FEM1A: variants seen among roughly 807,000 people sequenced by gnomAD.
The protein encoded by FEM1A is fem-1 homolog A, also known as protein fem-1 homolog A.
In FEM1A, 1 loss-of-function variant was observed where a neutral mutation model predicts 0.7. The ratio of observed to expected loss-of-function variants is 1.35; its 90% CI spans 0.48 to 6.40. The LOEUF is 6.40. Ranked by LOEUF, FEM1A falls within the 30% of genes most tolerant of loss-of-function variation. FEM1A has a pLI of 0.14. For missense variants in FEM1A, 721 were observed against 918.7 expected (o/e 0.78, Z 2.78); for synonymous variants, 391 against 420.6 (o/e 0.93, Z 0.86).
Position 4,799,909 on chromosome 19 carries a change from A to AAAAAAAAAT in FEM1A, c.*6053_*6054insTAAAAAAAA, listed in dbSNP as rs2093566369. On this transcript the variant is annotated 3_prime_UTR_variant, in exon 1 of 1. Coordinates refer to ENST00000269856, the MANE Select transcript of FEM1A (RefSeq NM_018708.3). ...GACATAGCAAGACTCTGTCTCAAAA[A>AAAAAAAAAT]AAAAAAAAAAAAAAAAAAAAAAAAT... The AAAAAAAAAT allele has an allele frequency of 2.6e-5, 3 of 113,996 alleles. 1 individual carries two copies. The highest frequency in any genetic ancestry group is 1.0e-4 in the African/African-American group (3 of 29,690). 7.1% of individuals were successfully genotyped at this position (113,996 alleles called of 1,614,324 possible). A position where few individuals can be genotyped will look rare whatever the true frequency, so the allele number is the denominator to read the frequency against.
chr19:4,791,868 C>T lies in FEM1A; in HGVS notation c.14C>T (p.Thr5Ile), dbSNP rs1274400462. Residue 5 changes from threonine (T) to isoleucine (I), a missense_variant, in exon 1 of 1, where the codon ACC (threonine) becomes ATC (isoleucine). This residue lies in a region of FEM1A where 195 missense variants were observed against 316.9 expected (regional missense o/e 0.62). Coordinates refer to ENST00000269856, the MANE Select transcript of FEM1A (RefSeq NM_018708.3). Reference sequence around the variant, plus strand: ...GAGGCCCGAACCATGGACCTCCGCACCGCCGTGTACAACGCCGCCCGTGAT... The same window carrying T: ...GAGGCCCGAACCATGGACCTCCGCATCGCCGTGTACAACGCCGCCCGTGAT... MDLR[T>I]AVYNAARDGK... is the part of the protein sequence containing the mutation. The T allele has an allele frequency of 6.6e-7, 1 of 1,514,022 alleles. No individual in the cohort carries two copies. Among genetic ancestry groups the T allele is most frequent in the East Asian group, 2.6e-5 (1 of 38,598 alleles). The allele number at this position is 1,514,022 out of a possible 1,614,324, so 93.8% of individuals were successfully genotyped here.
rs1337483148 is a variant in FEM1A, at chr19:4,797,231, G to T, written c.*3367G>T. On this transcript the variant is annotated 3_prime_UTR_variant, in exon 1 of 1. Coordinates refer to ENST00000269856, the MANE Select transcript of FEM1A (RefSeq NM_018708.3). ...GGCTGGAGTGCAGTGGTGTGATCTC[G>T]GCTCACTGCAAGCTCAGCCTCCCGG... The T allele has an allele frequency of 7.2e-6, 1 of 139,768 alleles. No individual in the cohort carries two copies. The highest frequency in any genetic ancestry group is 1.5e-5 in the Non-Finnish European group (1 of 66,124). The allele number at this position is 139,768 out of a possible 1,614,324, so 8.7% of individuals were successfully genotyped here. A position where few individuals can be genotyped will look rare whatever the true frequency, so the allele number is the denominator to read the frequency against.
Position 4,793,516 on chromosome 19 carries a change from C to A in FEM1A, c.1662C>A (p.Pro554=), listed in dbSNP as rs781313357. 4 of 1,613,054 alleles carry A rather than the reference C, an allele frequency of 2.5e-6. No homozygotes were observed. The South Asian group carries it at 4.4e-5, about 18-fold the overall frequency. The change falls in exon 1 of 1, where the codon CCC becomes CCA. Residue 554 remains proline, a synonymous_variant. Coordinates refer to ENST00000269856, the MANE Select transcript of FEM1A (RefSeq NM_018708.3). This position sits in a 1 kb window ranked among gnomAD's most constrained non-coding sequence, Gnocchi z 5.1. ...ACACCACAAACGTGGGCCGCTATCCCGTGGGCAGATTCCCCTCCCTGCACG... is the reference window on the plus strand; with the variant it reads ...ACACCACAAACGTGGGCCGCTATCCAGTGGGCAGATTCCCCTCCCTGCACG... ...DKDTTNVGRY[P]VGRFPSLHVV...
rs2093566594 is a variant in FEM1A, at chr19:4,799,953, G to C, written c.*6089G>C. The C allele has an allele frequency of 7.9e-6, 1 of 126,038 alleles. No individual in the cohort carries two copies. The highest frequency in any genetic ancestry group is 2.6e-4 in the South Asian group (1 of 3,904). The allele number at this position is 126,038 out of a possible 1,614,324, so 7.8% of individuals were successfully genotyped here. A position where few individuals can be genotyped will look rare whatever the true frequency, so the allele number is the denominator to read the frequency against. On this transcript the variant is annotated 3_prime_UTR_variant, in exon 1 of 1. Coordinates refer to ENST00000269856, the MANE Select transcript of FEM1A (RefSeq NM_018708.3). The stretch of plus-strand genomic sequence containing the variant: ...AAAAAATGGGGCCATCAATGCCATG[G>C]AGGGTAGCAAAAAATGTTCACAATA...
rs2093567733 is a variant in FEM1A, at chr19:4,800,847, A to T, written c.*6983A>T. 6.6e-6 allele frequency: 1 copy of T among 152,232 alleles called. No homozygotes were observed. The highest frequency in any genetic ancestry group is 1.5e-5 in the Non-Finnish European group (1 of 68,052). 9.4% of individuals were successfully genotyped at this position (152,232 alleles called of 1,614,324 possible). ...AAAGGCCAGATGACCCACCAGGGAC[A>T]TTGAATCCGTGTCCCGAGAGGGGTG... On this transcript the variant is annotated 3_prime_UTR_variant, in exon 1 of 1. Transcript: ENST00000269856.
chr19:4,792,889 C>A lies in FEM1A; in HGVS notation c.1035C>A (p.Val345=). ...CCAAACCGGAGCCCCCACAGCTGGTCCTGGCCTATGACTATTCCAGGGAGG... is the reference window on the plus strand; with the variant it reads ...CCAAACCGGAGCCCCCACAGCTGGTACTGGCCTATGACTATTCCAGGGAGG... ...YLPKPEPPQL[V]LAYDYSREVN... is the part of the protein sequence containing the mutation. The change falls in exon 1 of 1, where the codon GTC becomes GTA. Residue 345 remains valine (V), a synonymous_variant. Coordinates refer to ENST00000269856, the MANE Select transcript of FEM1A (RefSeq NM_018708.3). This position sits in a 1 kb window ranked among gnomAD's most constrained non-coding sequence, Gnocchi z 6.7. 1.9e-6 allele frequency: 3 copies of A among 1,612,388 alleles called. No individual in the cohort carries two copies. Among genetic ancestry groups the A allele is most frequent in the Non-Finnish European group, 2.5e-6 (3 of 1,180,002 alleles).
rs2093560863 is a variant in FEM1A, at chr19:4,796,184, T to G, written c.*2320T>G. ...TGGGCAACATAGTAAGACCTCTGTC[T>G]CTACATTTTTTTTTTTTTTTTTTTT... On this transcript the variant is annotated 3_prime_UTR_variant, in exon 1 of 1. Coordinates refer to ENST00000269856, the MANE Select transcript of FEM1A (RefSeq NM_018708.3). 1 of 148,390 alleles carries G rather than the reference T, an allele frequency of 6.7e-6. No homozygotes were observed. Among genetic ancestry groups the G allele is most frequent in the African/African-American group, 2.5e-5 (1 of 39,806 alleles). 9.2% of individuals were successfully genotyped at this position (148,390 alleles called of 1,614,324 possible).
chr19:4,795,990 C>G lies in FEM1A; in HGVS notation c.*2126C>G, dbSNP rs1405468426. On this transcript the variant is annotated 3_prime_UTR_variant, in exon 1 of 1. Transcript: ENST00000269856. ...GAATTACAAGCATGAACCACTGCAC[C>G]TGGCCTCTATGTTACATACTGGGGC... is the stretch of plus-strand genomic sequence containing the variant. The G allele has an allele frequency of 6.6e-6, 1 of 151,786 alleles. No homozygotes were observed. The highest frequency in any genetic ancestry group is 6.6e-5 in the Admixed American group (1 of 15,198). The allele number at this position is 151,786 out of a possible 1,614,324, so 9.4% of individuals were successfully genotyped here. A position where few individuals can be genotyped will look rare whatever the true frequency, so the allele number is the denominator to read the frequency against.
Position 4,795,890 on chromosome 19 carries a change from T to C in FEM1A, c.*2026T>C, listed in dbSNP as rs1311864007. 1 of 152,036 alleles carries C rather than the reference T, an allele frequency of 6.6e-6. No individual in the cohort carries two copies. Among genetic ancestry groups the C allele is most frequent in the Admixed American group, 6.6e-5 (1 of 15,232 alleles). The allele number at this position is 152,036 out of a possible 1,614,324, so 9.4% of individuals were successfully genotyped here. Reference sequence around the variant, plus strand: ...TTTTGTATTTTCTGTAGAGGCAGGTTTTGCCATGTTGGCCAGGCTGGTCTC... The same window carrying C: ...TTTTGTATTTTCTGTAGAGGCAGGTCTTGCCATGTTGGCCAGGCTGGTCTC... On this transcript the variant is annotated 3_prime_UTR_variant, in exon 1 of 1. Transcript: ENST00000269856.
In FEM1A at chr19:4,793,214, A is replaced by C. The variant is rs756935237; in HGVS notation, c.1360A>C (p.Ser454Arg). 85 of 1,613,422 alleles carry C rather than the reference A, an allele frequency of 5.3e-5. No individual in the cohort carries two copies. The highest frequency in any genetic ancestry group is 7.0e-5 in the Non-Finnish European group (83 of 1,180,050). ...GCTTCAGGACCGGGCCGCCAAAGGC[A>C]GCCTGGGCACCCAGATCGGCTTTGC... ...YVLQDRAAKG[S>R]LGTQIGFADL... Residue 454 changes from serine to arginine, a missense_variant, in exon 1 of 1, where the codon AGC becomes CGC. Transcript: ENST00000269856. This position sits in a 1 kb window ranked among gnomAD's most constrained non-coding sequence, Gnocchi z 5.1.
In FEM1A at chr19:4,799,311, G is replaced by T. The variant is rs989467651; in HGVS notation, c.*5447G>T. 6.6e-6 allele frequency: 1 copy of T among 152,548 alleles called. No homozygotes were observed. The highest frequency in any genetic ancestry group is 1.5e-5 in the Non-Finnish European group (1 of 68,228). 9.4% of individuals were successfully genotyped at this position (152,548 alleles called of 1,614,324 possible). On this transcript the variant is annotated 3_prime_UTR_variant, in exon 1 of 1. Coordinates refer to ENST00000269856, the MANE Select transcript of FEM1A (RefSeq NM_018708.3). ...CACCTGTAATCCCAGCTACTTGGGA[G>T]GCTGAGGAAGGAGAATCGCTTGAAC...
In FEM1A at chr19:4,792,752, G is replaced by A; in HGVS notation, c.898G>A (p.Ala300Thr). 7.4e-6 allele frequency: 12 copies of A among 1,612,134 alleles called. No individual in the cohort carries two copies. The highest frequency in any genetic ancestry group is 1.0e-5 in the Non-Finnish European group (12 of 1,179,896). ...CACCAGCCGGGAAGCTGCCGTGGAAGCCTTGGAATTGCTGGGAGCTACGTA... is the reference window on the plus strand; with the variant it reads ...CACCAGCCGGGAAGCTGCCGTGGAAACCTTGGAATTGCTGGGAGCTACGTA... ...CPTSREAAVE[A>T]LELLGATYVD... is the part of the protein sequence containing the mutation. Residue 300 changes from alanine (A) to threonine (T), a missense_variant, in exon 1 of 1, where the codon GCC becomes ACC. Physicochemically the swap from Ala to Thr is moderately conservative, Grantham distance 58. Coordinates refer to ENST00000269856, the MANE Select transcript of FEM1A (RefSeq NM_018708.3). This position sits in a 1 kb window ranked among gnomAD's most constrained non-coding sequence, Gnocchi z 6.7.
chr19:4,798,039 C>T lies in FEM1A; in HGVS notation c.*4175C>T, dbSNP rs1166847532. 6.7e-6 allele frequency: 1 copy of T among 148,718 alleles called. No homozygotes were observed. The highest frequency in any genetic ancestry group is 1.5e-5 in the Non-Finnish European group (1 of 67,226). 9.2% of individuals were successfully genotyped at this position (148,718 alleles called of 1,614,324 possible). Reference sequence around the variant, plus strand: ...CACGAGGTCAGGAGATCGAGACCATCCTGGCTAACACGGTGAAACCCCGTC... The same window carrying T: ...CACGAGGTCAGGAGATCGAGACCATTCTGGCTAACACGGTGAAACCCCGTC... On this transcript the variant is annotated 3_prime_UTR_variant, in exon 1 of 1. Transcript: ENST00000269856.
rs2093566191 is a variant in FEM1A, at chr19:4,799,900, G to T, written c.*6036G>T. On this transcript the variant is annotated 3_prime_UTR_variant, in exon 1 of 1. Transcript: ENST00000269856. ...AGCCTGGGTGACATAGCAAGACTCTGTCTCAAAAAAAAAAAAAAAAAAAAA... is the reference window on the plus strand; with the variant it reads ...AGCCTGGGTGACATAGCAAGACTCTTTCTCAAAAAAAAAAAAAAAAAAAAA... 7.6e-5 allele frequency: 1 copy of T among 13,190 alleles called. No individual in the cohort carries two copies. The highest frequency in any genetic ancestry group is 2.4e-4 in the African/African-American group (1 of 4,192). The allele number at this position is 13,190 out of a possible 1,614,324, so 0.8% of individuals were successfully genotyped here. A position where few individuals can be genotyped will look rare whatever the true frequency, so the allele number is the denominator to read the frequency against.
At position 4,799,652 on chromosome 19, in the gene FEM1A, A is replaced by G. The variant is rs1283394492; in HGVS notation, c.*5788A>G. 1 of 151,768 alleles carries G rather than the reference A, an allele frequency of 6.6e-6. No individual in the cohort carries two copies. The highest frequency in any genetic ancestry group is 1.5e-5 in the Non-Finnish European group (1 of 68,028). 9.4% of individuals were successfully genotyped at this position (151,768 alleles called of 1,614,324 possible). A position where few individuals can be genotyped will look rare whatever the true frequency, so the allele number is the denominator to read the frequency against. ...CTGGGTGCGGTGGCTCACGCCTGTA[A>G]TCCCAACACTTTGGGAGGCCGAGGC... On this transcript the variant is annotated 3_prime_UTR_variant, in exon 1 of 1. Transcript: ENST00000269856.
In FEM1A at chr19:4,793,916, GGAAATCC is replaced by G. The variant is rs961301214; in HGVS notation, c.*54_*60del. On this transcript the variant is annotated 3_prime_UTR_variant, in exon 1 of 1. Coordinates refer to ENST00000269856, the MANE Select transcript of FEM1A (RefSeq NM_018708.3). The surrounding 1 kb of genome is among the most constrained non-coding windows in gnomAD (Gnocchi z 5.1). ...CTCTCCCCTCTCCTGCTGAGATGGG[GGAAATCC>G]GGCTGCGGCATAGCAGATGCTCGTT... The G allele has an allele frequency of 6.5e-7, 1 of 1,530,620 alleles. No individual in the cohort carries two copies. The allele number at this position is 1,530,620 out of a possible 1,614,324, so 94.8% of individuals were successfully genotyped here.
chr19:4,793,322 C>T lies in FEM1A; in HGVS notation c.1468C>T (p.Gln490Ter). 1 of 1,612,838 alleles carries T rather than the reference C, an allele frequency of 6.2e-7. No homozygotes were observed. Residue 490 changes from glutamine (Q) to a stop codon, truncating the protein, a stop_gained, in exon 1 of 1, where the codon CAG becomes TAG. Coordinates refer to ENST00000269856, the MANE Select transcript of FEM1A (RefSeq NM_018708.3). LOFTEE classifies it low-confidence loss of function (END_TRUNC). This position sits in a 1 kb window ranked among gnomAD's most constrained non-coding sequence, Gnocchi z 5.1. ...GCCCAGGGAGCCCGGAGACTCAGCC[C>T]AGTTCACCAAGGCGCTGGCCATCAT... The part of the protein sequence containing the change: ...QLPREPGDSA[Q>*]FTKALAIILH...
At position 4,791,788 on chromosome 19, in the gene FEM1A, C is replaced by T. The variant is rs2093554562; in HGVS notation, c.-67C>T. ...ACGGTGAAGGTTGCCTCCCGCCCGT[C>T]CGGGCTCTGATCCTCCGTCTCCCCG... On this transcript the variant is annotated 5_prime_UTR_variant, in exon 1 of 1. Coordinates refer to ENST00000269856, the MANE Select transcript of FEM1A (RefSeq NM_018708.3). The T allele has an allele frequency of 5.0e-6, 7 of 1,400,174 alleles. No homozygotes were observed. The South Asian group carries it at 5.8e-5, about 12-fold the overall frequency. 86.7% of individuals were successfully genotyped at this position (1,400,174 alleles called of 1,614,324 possible). A position where few individuals can be genotyped will look rare whatever the true frequency, so the allele number is the denominator to read the frequency against.
Position 4,794,363 on chromosome 19 carries a change from T to C in FEM1A, c.*499T>C, listed in dbSNP as rs2093558510. Reference sequence around the variant, plus strand: ...TTCAGGGAATGAGACCACCTCTCATTTCTTCCAGCATGATCGCGCCCTGCT... The same window carrying C: ...TTCAGGGAATGAGACCACCTCTCATCTCTTCCAGCATGATCGCGCCCTGCT... On this transcript the variant is annotated 3_prime_UTR_variant, in exon 1 of 1. Coordinates refer to ENST00000269856, the MANE Select transcript of FEM1A (RefSeq NM_018708.3). 5.7e-6 allele frequency: 1 copy of C among 176,274 alleles called. No homozygotes were observed. The highest frequency in any genetic ancestry group is 1.4e-5 in the Non-Finnish European group (1 of 72,982). The allele number at this position is 176,274 out of a possible 1,614,324, so 10.9% of individuals were successfully genotyped here.
Sources: allele counts gnomAD v4.1 joint callset, GRCh38; gene constraint gnomAD v4.1.1; regional missense constraint gnomAD v4.1.1; non-coding constraint Gnocchi (gnomAD v3.1); transcripts MANE v1.5; gene names NCBI Gene and HGNC (gene_info 2026-07-23, HGNC 2026-07-21).